Variants in DSCAM observed in about 807,000 individuals in gnomAD.
The protein encoded by DSCAM is DS cell adhesion molecule.
In DSCAM, 47 loss-of-function variants were observed where a neutral mutation model predicts 217.7. The ratio of observed to expected loss-of-function variants is 0.22; its 90% CI spans 0.17 to 0.28. The LOEUF (loss-of-function observed/expected upper bound fraction) is 0.28, where lower values mean the gene tolerates loss of function less well. Among genes scored for constraint, DSCAM ranks in the 10% least tolerant of loss-of-function variants. The pLI is 1.00. For synonymous variants in DSCAM, 1,056 were observed against 1,015.3 expected (o/e 1.04, Z -0.76); for missense variants, 2,080 against 2,618.3 (o/e 0.79, Z 4.49).
chr21:40,241,239 A>T (rs60050456), intron 11 of DSCAM, among the ~76,000 whole-genome samples: 2,147 of 152,314 alleles, frequency 0.014, 59 homozygotes, highest in African/African-American at 0.049. Flanking sequence ...AAACTATGCA[A>T]CTGACAAAGG....
At position 40,113,901 on chromosome 21, in the gene DSCAM, C is replaced by T. The variant is rs111884027; in HGVS notation, c.3696+10294G>A. On this transcript the variant is annotated intron_variant, in intron 20 of 32. Transcript: ENST00000400454. The stretch of plus-strand genomic sequence containing the variant: ...AGGAGAACTACAAACCACTGCTCAA[C>T]GAAATAAAAGAGGATACAAACAAAT... 4.6e-5 allele frequency among the ~76,000 whole-genome samples: 7 copies of T among 150,910 alleles called. No individual in the cohort carries two copies. The South Asian group carries it at 1.0e-3, about 23-fold the overall frequency.
chr21:40,430,908 AC>A (rs1363691817), intron 3 of DSCAM, among the ~76,000 whole-genome samples: 7 of 152,232 alleles, frequency 4.6e-5, no homozygotes, highest in African/African-American at 1.7e-4. Flanking sequence ...TAGCTGTACA[AC>A]TAGAAGGTGG....
chr21:40,705,099 T>C (rs916296889), intron 2 of DSCAM, among the ~76,000 whole-genome samples: 3 of 152,184 alleles, frequency 2.0e-5, no homozygotes, highest in Non-Finnish European at 4.4e-5. Context: ...AGAGACCAGA[T>C]GTGAAAAGCT....
At chr21:40,302,574 A>T (rs897384787) in intron 9 of DSCAM, among the ~76,000 whole-genome samples, 2 of 152,198 alleles carry the variant, frequency 1.3e-5, no homozygotes, top group African/African-American at 2.4e-5. Context: ...AATAGGTTCA[A>T]CTACATAATT....
In DSCAM at chr21:40,011,353, AAAG is replaced by A. The variant is rs551666484; in HGVS notation, c.*1678_*1680del. ...ATAAATAGAAGGAAGAAAGGATGGG[AAAG>A]AAGGAGGGAGGGAGGGAAGGAAAGA... On this transcript the variant is annotated 3_prime_UTR_variant, in exon 33 of 33. Coordinates refer to ENST00000400454, the MANE Select transcript of DSCAM (RefSeq NM_001389.5). The A allele has an allele frequency of 1.9e-4, 29 of 152,366 alleles. No individual in the cohort carries two copies. Among genetic ancestry groups the A allele is most frequent in the African/African-American group, 7.0e-4 (29 of 41,560 alleles). 9.4% of individuals were successfully genotyped at this position (152,366 alleles called of 1,614,324 possible). A position where few individuals can be genotyped will look rare whatever the true frequency, so the allele number is the denominator to read the frequency against.
Position 40,044,293 on chromosome 21 carries a change from T to A in DSCAM, c.5186-18A>T. ...GGTGGGATCTGTGAAGAGCCAAGAATCATGTCTGCCTTTGTCTGCAGGAGT... is the reference window on the plus strand; with the variant it reads ...GGTGGGATCTGTGAAGAGCCAAGAAACATGTCTGCCTTTGTCTGCAGGAGT... On this transcript the variant is annotated intron_variant, in intron 30 of 32. Coordinates refer to ENST00000400454, the MANE Select transcript of DSCAM (RefSeq NM_001389.5). The A allele has an allele frequency of 1.2e-6, 2 of 1,608,722 alleles. No individual in the cohort carries two copies. Among genetic ancestry groups the A allele is most frequent in the Non-Finnish European group, 1.7e-6 (2 of 1,176,760 alleles).
intron 3 of DSCAM, among the ~76,000 whole-genome samples, chr21:40,579,056 G>A (rs547035849): frequency 2.0e-5 from 3 of 152,110 alleles, no homozygotes; most frequent in Non-Finnish European, 2.9e-5. Flanking sequence ...CATTTGTAAC[G>A]ACAGAGGGAG....
chr21:40,040,715 T>C (rs928293), intron 32 of DSCAM, among the ~76,000 whole-genome samples: 129,827 of 152,134 alleles, frequency 0.85, 55,448 homozygotes, highest in Middle Eastern at 0.92. Flanking sequence ...TATAATGCTA[T>C]GTGCATCTAA....
chr21:40,167,669 G>C (rs58232782), intron 15 of DSCAM, among the ~76,000 whole-genome samples: 1 of 152,218 alleles, frequency 6.6e-6, no homozygotes, highest in African/African-American at 2.4e-5. Flanking sequence ...GCTTTGCTTA[G>C]TGATGTGGTA....
At chr21:40,079,058 G>A in intron 25 of DSCAM, 81 bp from the exon 26 acceptor site, 1 of 1,489,032 alleles carries the variant, frequency 6.7e-7, no homozygotes, top group Admixed American at 2.0e-5. Flanking sequence ...CCCTCGGACT[G>A]CTTCCTCCAG....
At position 40,339,173 on chromosome 21, in the gene DSCAM, T is replaced by C. The variant is rs747672829; in HGVS notation, c.1453A>G (p.Thr485Ala). 6.2e-7 allele frequency: 1 copy of C among 1,614,196 alleles called. No individual in the cohort carries two copies. The highest frequency in any genetic ancestry group is 2.2e-5 in the East Asian group (1 of 44,876). Residue 485 changes from threonine to alanine, a missense_variant, in exon 7 of 33, where the codon ACT becomes GCT. Physicochemically the swap from Thr to Ala is moderately conservative, Grantham distance 58. Coordinates refer to ENST00000400454, the MANE Select transcript of DSCAM (RefSeq NM_001389.5). ...QVRDGGVYRC[T>A]ANNSAGVVLY... ...ACGACTCCCGCCGAGTTGTTGGCAG[T>C]GCAGCGGTAGACTCCCCCGTCCCGG... is the stretch of plus-strand genomic sequence containing the variant.
chr21:40,553,373 A>G (rs1324338489), intron 3 of DSCAM, among the ~76,000 whole-genome samples: 1 of 152,214 alleles, frequency 6.6e-6, no homozygotes, highest in East Asian at 1.9e-4. Flanking sequence ...ATGTCATTCA[A>G]ATCAGCATTT....
At chr21:40,519,724 T>C (rs2076343286) in intron 3 of DSCAM, among the ~76,000 whole-genome samples, 1 of 152,120 alleles carries the variant, frequency 6.6e-6, no homozygotes, top group African/African-American at 2.4e-5. Context: ...GACCATAACA[T>C]AAAAATAGAA....
At chr21:40,137,073 G>C (rs988209013) in intron 18 of DSCAM, among the ~76,000 whole-genome samples, 1 of 151,590 alleles carries the variant, frequency 6.6e-6, no homozygotes, top group Non-Finnish European at 1.5e-5. Context: ...ACTCGGGGAG[G>C]CTGAGGCAAG....
rs780812008 is a variant in DSCAM, at chr21:40,144,591, G to A, written c.3159C>T (p.Asn1053=). 1 of 1,614,174 alleles carries A rather than the reference G, an allele frequency of 6.2e-7. No homozygotes were observed. The highest frequency in any genetic ancestry group is 1.1e-5 in the South Asian group (1 of 91,070). Residue 1053 remains asparagine, a synonymous_variant, in exon 17 of 33, where the codon AAC becomes AAT. Coordinates refer to ENST00000400454, the MANE Select transcript of DSCAM (RefSeq NM_001389.5). This position sits in a 1 kb window ranked among gnomAD's most constrained non-coding sequence, Gnocchi z 4.8. The part of the protein sequence containing the change: ...SGDSEVYTLD[N]LNKFTQYGLV... ...GGCCGTACTGAGTGAACTTATTCAG[G>A]TTGTCCAGGGTGTAAACCTCACTGT...
intron 1 of DSCAM, among the ~76,000 whole-genome samples, chr21:40,803,541 C>A (rs1027506374): frequency 6.6e-6 from 1 of 152,164 alleles, no homozygotes; most frequent in African/African-American, 2.4e-5. Context: ...TCACTGATCT[C>A]GGGCCCCCAG....
intron 3 of DSCAM, among the ~76,000 whole-genome samples, chr21:40,463,617 C>A (rs939153917): frequency 1.3e-5 from 2 of 152,200 alleles, no homozygotes; most frequent in African/African-American, 4.8e-5. Flanking sequence ...CTCTTCCTGA[C>A]CTTCATCAGG....
intron 11 of DSCAM, among the ~76,000 whole-genome samples, chr21:40,254,341 T>C (rs533155858): frequency 9.1e-4 from 139 of 152,176 alleles, no homozygotes; most frequent in African/African-American, 3.3e-3. Flanking sequence ...CTGGCTATGA[T>C]GATATAAGGA....
At chr21:40,458,261 T>C (rs1021914443) in intron 3 of DSCAM, among the ~76,000 whole-genome samples, 4 of 152,096 alleles carry the variant, frequency 2.6e-5, no homozygotes, top group South Asian at 4.1e-4. Context: ...ACATGCTAGG[T>C]CACAAAGAGA....
Sources: allele counts gnomAD v4.1 joint callset (sites outside exome capture counted in the v4.1 genomes callset), GRCh38; gene constraint gnomAD v4.1.1; non-coding constraint Gnocchi (gnomAD v3.1); transcripts MANE v1.5; gene names NCBI Gene and HGNC (gene_info 2026-07-23, HGNC 2026-07-21).